MPHOSPH6: variants seen among roughly 807,000 people sequenced by gnomAD.
The protein encoded by MPHOSPH6 is M-phase phosphoprotein 6.
A neutral mutation model predicts 21.8 loss-of-function variants in MPHOSPH6; 25 were observed. That is an observed-to-expected ratio of 1.15 (90% CI 0.83 to 1.60). The LOEUF is 1.60. Ranked by LOEUF, MPHOSPH6 falls within the 40% of genes most tolerant of loss-of-function variation. The pLI is 0.00. For missense variants in MPHOSPH6, 269 were observed against 181.8 expected, an observed-to-expected ratio of 1.48 and a Z score of -2.76; for synonymous variants, 84 against 56.5, an observed-to-expected ratio of 1.49 and a Z score of -2.18.
intron 1 of MPHOSPH6, chr16:82,167,394 T>C (rs1906817426): frequency 6.6e-6 from 1 of 152,428 alleles, no homozygotes; most frequent in African/African-American, 2.4e-5. Context: ...GCACCAGGGA[T>C]GGGCTTCCTG....
chr16:82,169,217 G>A (rs554029678), intron 1 of MPHOSPH6, among the ~76,000 whole-genome samples: 39 of 152,300 alleles, frequency 2.6e-4, no homozygotes, highest in Non-Finnish European at 3.8e-4. Flanking sequence ...TTCCCTGCAC[G>A]TTGTGACCAT....
At chr16:82,165,844 C>T (rs1269146993) in intron 1 of MPHOSPH6, among the ~76,000 whole-genome samples, 2 of 110,322 alleles carry the variant, frequency 1.8e-5, no homozygotes, top group South Asian at 5.9e-4. Flanking sequence ...CCTAACAATG[C>T]ATGTTTCAGA....
chr16:82,169,373 C>T (rs1277689333), intron 1 of MPHOSPH6, among the ~76,000 whole-genome samples: 1 of 152,158 alleles, frequency 6.6e-6, no homozygotes, highest in African/African-American at 2.4e-5. Flanking sequence ...GACGCTGTGC[C>T]TTCCACCCTC....
At chr16:82,159,479 A>C (rs2142412363) in intron 2 of MPHOSPH6, among the ~76,000 whole-genome samples, 1 of 152,158 alleles carries the variant, frequency 6.6e-6, no homozygotes, top group Non-Finnish European at 1.5e-5. Flanking sequence ...ATCTCGGCTC[A>C]ATGCAACCTC....
intron 2 of MPHOSPH6, among the ~76,000 whole-genome samples, chr16:82,151,902 A>T (rs1906276260): frequency 6.6e-6 from 1 of 152,260 alleles, no homozygotes; most frequent in Non-Finnish European, 1.5e-5. Context: ...ATGTAAAAAT[A>T]CACATACAGT....
chr16:82,162,678 T>C (rs1400342466), intron 2 of MPHOSPH6, among the ~76,000 whole-genome samples: 1 of 152,194 alleles, frequency 6.6e-6, no homozygotes, highest in East Asian at 1.9e-4. Flanking sequence ...GGCCCCCCTA[T>C]GCCCCACCCA....
intron 1 of MPHOSPH6, 49 bp downstream of exon 1, chr16:82,170,076 G>T: frequency 1.3e-6 from 2 of 1,556,606 alleles, no homozygotes; most frequent in Non-Finnish European, 1.7e-6. Flanking sequence ...CAGGTTGGAA[G>T]GACCGGGTGC....
At chr16:82,162,453 G>A (rs1197693423) in intron 2 of MPHOSPH6, 6 of 152,374 alleles carry the variant, frequency 3.9e-5, no homozygotes, top group African/African-American at 1.2e-4. Flanking sequence ...TGCACGGAAG[G>A]GCTCCTTTGC....
chr16:82,154,052 G>GT (rs1567612557), intron 2 of MPHOSPH6, among the ~76,000 whole-genome samples: 1 of 152,024 alleles, frequency 6.6e-6, no homozygotes, highest in African/African-American at 2.4e-5. Flanking sequence ...GCCACATAAG[G>GT]TAACACTCAC....
At chr16:82,151,332 T>C (rs997442256) in intron 3 of MPHOSPH6, 92 bp downstream of exon 3, 2 of 1,520,114 alleles carry the variant, frequency 1.3e-6, no homozygotes, top group Non-Finnish European at 9.0e-7. Context: ...TGAGTAGAAA[T>C]GGTACCTGGT....
In MPHOSPH6 at chr16:82,159,290, A is replaced by G. The variant is rs143189892; in HGVS notation, c.164+4792T>C. 6.2e-4 allele frequency among the ~76,000 whole-genome samples: 95 copies of G among 152,312 alleles called. No individual in the cohort carries two copies. In the East Asian group the frequency reaches 0.014, roughly 23 times the overall value. On this transcript the variant is annotated intron_variant, in intron 2 of 4. Coordinates refer to ENST00000258169, the MANE Select transcript of MPHOSPH6 (RefSeq NM_005792.2). Reference sequence around the variant, plus strand: ...TTAAATTTTTTGTCTTGAAAAAGTTATTTGTCATTAAAAATGTGTTAGGTA... The same window carrying G: ...TTAAATTTTTTGTCTTGAAAAAGTTGTTTGTCATTAAAAATGTGTTAGGTA...
rs189368243 is a variant in MPHOSPH6, at chr16:82,151,672, T to G, written c.165-158A>C. On this transcript the variant is annotated intron_variant, in intron 2 of 4. Transcript: ENST00000258169. ...CTTAGGGTTAAAAATAAAATCTGAT[T>G]AATTTGGTCAGCAAAGGCATTAGGA... 3.3e-4 allele frequency among the ~76,000 whole-genome samples: 50 copies of G among 152,356 alleles called. No individual in the cohort carries two copies. The East Asian group carries it at 9.2e-3, about 28-fold the overall frequency.
At chr16:82,160,153 T>C (rs1037722916) in intron 2 of MPHOSPH6, among the ~76,000 whole-genome samples, 1 of 152,178 alleles carries the variant, frequency 6.6e-6, no homozygotes, top group Non-Finnish European at 1.5e-5. Flanking sequence ...GGAGCACAGG[T>C]GTTTTGTATC....
intron 2 of MPHOSPH6, among the ~76,000 whole-genome samples, chr16:82,155,124 T>G (rs1261135127): frequency 1.3e-5 from 2 of 152,226 alleles, no homozygotes; most frequent in African/African-American, 2.4e-5. Flanking sequence ...AAGAAATTAT[T>G]TGACAAAATT....
At chr16:82,160,584 C>T (rs893734030) in intron 2 of MPHOSPH6, among the ~76,000 whole-genome samples, 7 of 152,118 alleles carry the variant, frequency 4.6e-5, no homozygotes, top group African/African-American at 1.7e-4. Context: ...CTCTTGGGGC[C>T]GAAGGCAAGT....
intron 2 of MPHOSPH6, among the ~76,000 whole-genome samples, chr16:82,154,025 C>A (rs1226785827): frequency 6.6e-6 from 1 of 152,018 alleles, no homozygotes; most frequent in Non-Finnish European, 1.5e-5. Context: ...TACTCATATA[C>A]CAGCAAGGTA....
At chr16:82,162,094 C>T (rs181835097) in intron 2 of MPHOSPH6, 2 of 152,178 alleles carry the variant, frequency 1.3e-5, no homozygotes, top group African/African-American at 4.8e-5. Flanking sequence ...GTGCTTTATG[C>T]CTGGTGTTAT....
At chr16:82,155,656 C>T (rs1255211045) in intron 2 of MPHOSPH6, among the ~76,000 whole-genome samples, 2 of 152,160 alleles carry the variant, frequency 1.3e-5, no homozygotes, top group Non-Finnish European at 2.9e-5. Flanking sequence ...GTAATCCCAG[C>T]ACTTTGGGAG....
chr16:82,156,275 C>A (rs577927470), intron 2 of MPHOSPH6, among the ~76,000 whole-genome samples: 1 of 152,156 alleles, frequency 6.6e-6, no homozygotes, highest in East Asian at 1.9e-4. Flanking sequence ...CAAAAAAACC[C>A]TAGAAACACT....
Sources: allele counts gnomAD v4.1 joint callset (sites outside exome capture counted in the v4.1 genomes callset), GRCh38; gene constraint gnomAD v4.1.1; transcripts MANE v1.5; gene names NCBI Gene and HGNC (gene_info 2026-07-23, HGNC 2026-07-21).